Variants in AAMDC observed in about 807,000 individuals in gnomAD.
AAMDC encodes mth938 domain-containing protein.
In AAMDC, 16 loss-of-function variants were observed where a neutral mutation model predicts 15.5. The observed-to-expected ratio is 1.03, with a 90% confidence interval of 0.70 to 1.57. The LOEUF (loss-of-function observed/expected upper bound fraction) is 1.57. Among genes scored for constraint, AAMDC ranks in the 40% most tolerant of loss-of-function variants. The pLI is 0.00. For synonymous variants in AAMDC, 51 were observed against 51.6 expected (o/e 0.99, Z 0.05); for missense variants, 141 against 144.9 (o/e 0.97, Z 0.14).
At chr11:77,852,239 A>AAAAAAG (rs1565205847) in intron 2 of AAMDC, among the ~76,000 whole-genome samples, 3 of 133,828 alleles carry the variant, frequency 2.2e-5, no homozygotes, top group African/African-American at 5.7e-5. Flanking sequence ...AAAAAAAAAA[A>AAAAAAG]AAGAAGAAGA....
intron 1 of AAMDC, among the ~76,000 whole-genome samples, chr11:77,836,145 A>G (rs1207047961): frequency 6.6e-6 from 1 of 151,998 alleles, no homozygotes; most frequent in East Asian, 1.9e-4. Context: ...TTTTTTCTCA[A>G]TTGAATTTTA....
intron 5 of AAMDC, chr11:77,891,549 T>G: frequency 3.2e-6 from 5 of 1,569,172 alleles, no homozygotes; most frequent in Non-Finnish European, 4.3e-6. Context: ...CCTTATCTAA[T>G]GAGTGGGCAT....
chr11:77,826,905 GA>G (rs1377750488), intron 1 of AAMDC, among the ~76,000 whole-genome samples: 1 of 152,162 alleles, frequency 6.6e-6, no homozygotes, highest in Non-Finnish European at 1.5e-5. Context: ...AGAAGTTCGA[GA>G]CCAGCCTGGC....
At position 77,838,856 on chromosome 11, in the gene AAMDC, T is replaced by C. The variant is rs542593800; in HGVS notation, c.-18-3623T>C. ...TGGTCTCAATCTCCTGACCTCGTGATCCGCCCACCTGGGCCTCCCAAAGTG... is the reference window on the plus strand; with the variant it reads ...TGGTCTCAATCTCCTGACCTCGTGACCCGCCCACCTGGGCCTCCCAAAGTG... On this transcript the variant is annotated intron_variant, in intron 1 of 3. Transcript: ENST00000393427. Among the ~76,000 whole-genome samples the C allele has an allele frequency of 1.4e-3, 213 of 152,228 alleles. 1 individual carries two copies. Among genetic ancestry groups the C allele is most frequent in the African/African-American group, 4.9e-3 (203 of 41,542 alleles).
chr11:77,880,521 C>CT (rs1951751967), intron 5 of AAMDC, among the ~76,000 whole-genome samples: 1 of 152,200 alleles, frequency 6.6e-6, no homozygotes, highest in Admixed American at 6.5e-5. Context: ...ACACTGTTCT[C>CT]TGATACCAGG....
chr11:77,833,872 C>T (rs1949562772), intron 1 of AAMDC, among the ~76,000 whole-genome samples: 1 of 152,088 alleles, frequency 6.6e-6, no homozygotes, highest in South Asian at 2.1e-4. Flanking sequence ...TTGAGTAATT[C>T]TACCTTCCTA....
At chr11:77,846,864 C>G (rs1003819592) in intron 2 of AAMDC, among the ~76,000 whole-genome samples, 6 of 151,780 alleles carry the variant, frequency 4.0e-5, no homozygotes, top group African/African-American at 1.5e-4. Flanking sequence ...TTGTAGGAAC[C>G]CTGAATAATC....
At chr11:77,824,255 A>G (rs1456371980) in intron 1 of AAMDC, among the ~76,000 whole-genome samples, 1 of 152,252 alleles carries the variant, frequency 6.6e-6, no homozygotes, top group Non-Finnish European at 1.5e-5. Context: ...AGTGAGTTAT[A>G]TTTATCAGAC....
At chr11:77,850,898 T>C (rs547210197) in intron 2 of AAMDC, 1 of 151,718 alleles carries the variant, frequency 6.6e-6, no homozygotes, top group Non-Finnish European at 1.5e-5. Flanking sequence ...TATTCTCCTC[T>C]ATAACTACAA....
intron 2 of AAMDC, among the ~76,000 whole-genome samples, chr11:77,867,445 T>C (rs1336068021): frequency 6.6e-6 from 1 of 152,186 alleles, no homozygotes; most frequent in African/African-American, 2.4e-5. Context: ...CTACTACAAA[T>C]ATTTGCACAT....
intron 5 of AAMDC, among the ~76,000 whole-genome samples, chr11:77,899,397 C>G (rs1474245480): frequency 6.6e-6 from 1 of 152,042 alleles, no homozygotes; most frequent in Non-Finnish European, 1.5e-5. Context: ...ATAGGCTGGG[C>G]TCGGTGGCTC....
At chr11:77,835,934 A>T (rs576472596) in intron 1 of AAMDC, among the ~76,000 whole-genome samples, 11 of 152,086 alleles carry the variant, frequency 7.2e-5, no homozygotes, top group Non-Finnish European at 1.5e-4. Context: ...ATAATAATAA[A>T]AATAAAGTTG....
In AAMDC at chr11:77,864,629, T is replaced by G. The variant is rs144822607; in HGVS notation, c.133-5093T>G. On this transcript the variant is annotated intron_variant, in intron 2 of 3. Transcript: ENST00000393427. ...AACTATGAAATTGACATAGAAGGAA[T>G]AGTAGATACTTGTCTCCTATCTCAT... Among the ~76,000 whole-genome samples, 1,168 of 152,160 alleles carry G rather than the reference T, an allele frequency of 7.7e-3. 13 individuals carry two copies. Among genetic ancestry groups the G allele is most frequent in the African/African-American group, 0.026 (1,077 of 41,502 alleles).
chr11:77,873,088 C>T (rs1951500544), downstream of AAMDC, among the ~76,000 whole-genome samples: 1 of 152,166 alleles, frequency 6.6e-6, no homozygotes, highest in African/African-American at 2.4e-5. Context: ...GAGAGAACTA[C>T]AAGCTATCAG....
chr11:77,847,039 G>A (rs867166465), intron 2 of AAMDC, among the ~76,000 whole-genome samples: 20 of 152,150 alleles, frequency 1.3e-4, no homozygotes, highest in African/African-American at 4.8e-4. Flanking sequence ...GTATGAGCAG[G>A]TTTATGGTTA....
chr11:77,872,031 A>G (rs1328089064), intron 3 of AAMDC, 144 bp from the exon 4 acceptor site: 5 of 845,776 alleles, frequency 5.9e-6, no homozygotes, highest in East Asian at 3.2e-5. Context: ...CTCACTGCCA[A>G]ATTTTGGACT....
chr11:77,889,647 A>T (rs1952176576), intron 5 of AAMDC, among the ~76,000 whole-genome samples: 1 of 152,194 alleles, frequency 6.6e-6, no homozygotes, highest in Non-Finnish European at 1.5e-5. Flanking sequence ...TCTCAGTGTC[A>T]TCTCTGAGGC....
intron 1 of AAMDC, chr11:77,830,090 T>C (rs576537803): frequency 1.3e-5 from 2 of 152,250 alleles, no homozygotes; most frequent in South Asian, 2.1e-4. Flanking sequence ...GATTGTGCCA[T>C]TGCACTCCAG....
intron 5 of AAMDC, among the ~76,000 whole-genome samples, chr11:77,892,095 C>T (rs1952297572): frequency 6.6e-6 from 1 of 152,204 alleles, no homozygotes; most frequent in Non-Finnish European, 1.5e-5. Context: ...ATTTAACTTC[C>T]AGCAATCCTA....
Sources: gnomAD v4.1 joint callset for allele counts (sites outside exome capture counted in the v4.1 genomes callset) on GRCh38, gnomAD v4.1.1 for gene constraint, MANE v1.5 for transcripts, NCBI Gene and HGNC (gene_info 2026-07-23, HGNC 2026-07-21) for gene names.